PABPC4L: variants seen among roughly 807,000 people sequenced by gnomAD.
PABPC4L encodes poly(A) binding protein cytoplasmic 4 like.
For synonymous variants in PABPC4L, 169 were observed against 164.1 expected, an observed-to-expected ratio of 1.03 and a Z score of -0.23; for missense variants, 452 against 451.4, an observed-to-expected ratio of 1.00 and a Z score of -0.01.
the PABPC4L span, among the ~76,000 whole-genome samples, chr4:134,058,278 G>T: frequency 6.6e-6 from 1 of 151,854 alleles, no homozygotes; most frequent in African/African-American, 2.4e-5. Flanking sequence ...TAGATTTGTT[G>T]TTTTTCCAAA....
the PABPC4L span, among the ~76,000 whole-genome samples, chr4:134,092,439 C>A: frequency 1.3e-5 from 2 of 151,976 alleles, no homozygotes; most frequent in Non-Finnish European, 2.9e-5. Flanking sequence ...CTCAATAAAA[C>A]CTCTTCATTC....
At chr4:134,022,249 C>A in the PABPC4L span, among the ~76,000 whole-genome samples, 1 of 152,008 alleles carries the variant, frequency 6.6e-6, no homozygotes, top group African/African-American at 2.4e-5. Flanking sequence ...TATCCAAGTT[C>A]TTAATAAATA....
chr4:134,118,960 G>T, the PABPC4L span, among the ~76,000 whole-genome samples: 127 of 142,062 alleles, frequency 8.9e-4, no homozygotes, highest in Non-Finnish European at 1.7e-3. Context: ...TTTATAGCAT[G>T]ATTTTTTTTC....
the PABPC4L span, among the ~76,000 whole-genome samples, chr4:134,176,067 C>T: frequency 1.3e-5 from 2 of 152,080 alleles, no homozygotes; most frequent in African/African-American, 4.8e-5. Flanking sequence ...GAATCTTCAG[C>T]TAATCTCATG....
At chr4:134,146,836 G>C in the PABPC4L span, among the ~76,000 whole-genome samples, 85 of 152,142 alleles carry the variant, frequency 5.6e-4, 1 homozygote, top group Middle Eastern at 6.8e-3. Context: ...CCAATCTAGA[G>C]AGAGTGAGTA....
the PABPC4L span, among the ~76,000 whole-genome samples, chr4:134,013,941 T>C: frequency 6.6e-6 from 1 of 152,150 alleles, no homozygotes; most frequent in African/African-American, 2.4e-5. Context: ...ATTCCGTGAC[T>C]AGCCCTCCCC....
the PABPC4L span, among the ~76,000 whole-genome samples, chr4:134,113,411 T>C: frequency 6.6e-6 from 1 of 152,062 alleles, no homozygotes; most frequent in East Asian, 1.9e-4. Context: ...CTCCACCTTT[T>C]CCATGTAACA....
the PABPC4L span, among the ~76,000 whole-genome samples, chr4:134,100,912 C>CA: frequency 6.6e-6 from 1 of 151,192 alleles, no homozygotes; most frequent in Non-Finnish European, 1.5e-5. Flanking sequence ...TATTTATAGC[C>CA]AAAATAAAGA....
At chr4:134,059,154 C>T in the PABPC4L span, among the ~76,000 whole-genome samples, 2 of 151,796 alleles carry the variant, frequency 1.3e-5, no homozygotes, top group African/African-American at 4.8e-5. Flanking sequence ...AACTAGTACT[C>T]CCCAATCTAG....
chr4:134,128,092 C>A, the PABPC4L span, among the ~76,000 whole-genome samples: 3 of 151,948 alleles, frequency 2.0e-5, no homozygotes, highest in Non-Finnish European at 4.4e-5. Flanking sequence ...TTTGAATGAA[C>A]CCAATTTGAC....
the PABPC4L span, among the ~76,000 whole-genome samples, chr4:134,009,066 C>T: frequency 6.6e-6 from 1 of 151,740 alleles, no homozygotes. Flanking sequence ...GTAATTGCTT[C>T]TGGGTAATGA....
chr4:134,025,197 G>C, the PABPC4L span, among the ~76,000 whole-genome samples: 1 of 150,546 alleles, frequency 6.6e-6, no homozygotes, highest in Non-Finnish European at 1.5e-5. Context: ...GCTGTGCATG[G>C]TAGTGCATGC....
chr4:134,135,700 G>T, the PABPC4L span, among the ~76,000 whole-genome samples: 1 of 152,100 alleles, frequency 6.6e-6, no homozygotes, highest in South Asian at 2.1e-4. Context: ...GGGCATGGTG[G>T]CACATGCCTA....
chr4:133,985,382 C>T, the PABPC4L span, among the ~76,000 whole-genome samples: 16 of 151,922 alleles, frequency 1.1e-4, no homozygotes, highest in South Asian at 3.1e-3. Flanking sequence ...CAGATATGCA[C>T]TTTGGGGGTG....
the PABPC4L span, among the ~76,000 whole-genome samples, chr4:134,073,379 G>C: frequency 6.6e-6 from 1 of 152,182 alleles, no homozygotes; most frequent in Non-Finnish European, 1.5e-5. Flanking sequence ...TCACATCCAG[G>C]TCACGCTGAT....
At chr4:134,034,277 T>C in the PABPC4L span, among the ~76,000 whole-genome samples, 1 of 151,924 alleles carries the variant, frequency 6.6e-6, no homozygotes, top group East Asian at 1.9e-4. Context: ...CTAGAAATAT[T>C]ACCCTTTCGA....
chr4:134,002,380 A>G, the PABPC4L span, among the ~76,000 whole-genome samples: 1 of 151,902 alleles, frequency 6.6e-6, no homozygotes, highest in Non-Finnish European at 1.5e-5. Context: ...TTTTATCTTC[A>G]AGCATGTCTG....
chr4:134,177,413 A>G, the PABPC4L span, among the ~76,000 whole-genome samples: 1 of 151,816 alleles, frequency 6.6e-6, no homozygotes, highest in Non-Finnish European at 1.5e-5. Context: ...TGAACTTGCG[A>G]TCCGCCCACC....
the PABPC4L span, among the ~76,000 whole-genome samples, chr4:134,171,532 G>A: frequency 6.6e-6 from 1 of 152,100 alleles, no homozygotes; most frequent in African/African-American, 2.4e-5. Flanking sequence ...CTGTTTGTCA[G>A]GTGCATAGTT....
Sources: allele counts gnomAD v4.1 joint callset (sites outside exome capture counted in the v4.1 genomes callset), GRCh38; gene constraint gnomAD v4.1.1; transcripts MANE v1.5; gene names NCBI Gene and HGNC (gene_info 2026-07-23, HGNC 2026-07-21).